DLG5: variants seen among roughly 807,000 people sequenced by gnomAD.
The protein encoded by DLG5 is discs large MAGUK scaffold protein 5.
DLG5 carries 48 observed loss-of-function variants against 189.8 expected under a neutral mutation model. The observed-to-expected ratio is 0.25, with a 90% confidence interval of 0.20 to 0.32. The LOEUF (loss-of-function observed/expected upper bound fraction) is 0.32. Ranked by LOEUF, DLG5 falls within the 10% of genes least tolerant of loss-of-function variation. The pLI is 1.00. For synonymous variants in DLG5, 1,016 were observed against 1,054.1 expected (o/e 0.96, Z 0.70); for missense variants, 2,160 against 2,544.7 (o/e 0.85, Z 3.25).
intron 13 of DLG5, among the ~76,000 whole-genome samples, chr10:77,827,473 A>C (rs1196963971): frequency 6.6e-6 from 1 of 152,092 alleles, no homozygotes; most frequent in Non-Finnish European, 1.5e-5. Context: ...TGATCCACCC[A>C]CCTCGGCCTC....
chr10:77,819,392 G>A lies in DLG5; in HGVS notation c.3600C>T (p.Arg1200=), dbSNP rs1239135263. 1 of 1,614,104 alleles carries A rather than the reference G, an allele frequency of 6.2e-7. No individual in the cohort carries two copies. The highest frequency in any genetic ancestry group is 8.5e-7 in the Non-Finnish European group (1 of 1,180,026). The part of the protein sequence containing the change: ...SILRNPIYTV[R]SHRVGPCSSP... ...AGCTGCAGGGGCCGACCCTGTGACT[G>A]CGCACAGTGTAGATGGGGTTCCGCA... The change falls in exon 17 of 32, where the codon CGC becomes CGT. Residue 1200 remains arginine (R), a synonymous_variant. Transcript: ENST00000372391.
chr10:77,909,877 G>T (rs1846169128), intron 1 of DLG5, among the ~76,000 whole-genome samples: 1 of 152,104 alleles, frequency 6.6e-6, no homozygotes, highest in African/African-American at 2.4e-5. Context: ...TGTCCACGGG[G>T]CCTTATCCTC....
intron 1 of DLG5, among the ~76,000 whole-genome samples, chr10:77,884,532 A>G (rs879455466): frequency 6.6e-6 from 1 of 151,944 alleles, no homozygotes; most frequent in Non-Finnish European, 1.5e-5. Flanking sequence ...CTCCAGAGAC[A>G]TGGTTCATGG....
intron 1 of DLG5, among the ~76,000 whole-genome samples, chr10:77,916,792 C>T (rs1846370153): frequency 6.6e-6 from 1 of 151,372 alleles, no homozygotes. Flanking sequence ...AGCAGGGACT[C>T]GAAGAGATAT....
intron 5 of DLG5, among the ~76,000 whole-genome samples, chr10:77,847,366 C>T (rs916612696): frequency 6.6e-6 from 1 of 152,178 alleles, no homozygotes; most frequent in Non-Finnish European, 1.5e-5. Flanking sequence ...AACTCCTAAC[C>T]TCTGGTTCTC....
intron 2 of DLG5, chr10:77,866,853 C>T (rs1844702709): frequency 1.7e-5 from 7 of 406,168 alleles, no homozygotes; most frequent in East Asian, 1.4e-4. Flanking sequence ...TTCCCTGCTG[C>T]CTGCACCCAA....
At chr10:77,793,920 G>T in intron 31 of DLG5, 88 bp downstream of exon 31, 5 of 1,226,726 alleles carry the variant, frequency 4.1e-6, no homozygotes, top group Non-Finnish European at 4.8e-6. Context: ...GAAAGTGCGG[G>T]CTTCTCCACG....
chr10:77,911,910 A>C (rs1296216665), intron 1 of DLG5, among the ~76,000 whole-genome samples: 1 of 152,000 alleles, frequency 6.6e-6, no homozygotes, highest in African/African-American at 2.4e-5. Context: ...AAAAAAAAAA[A>C]AAAACAGGCT....
At chr10:77,854,823 A>T (rs1364862238) in intron 3 of DLG5, among the ~76,000 whole-genome samples, 1 of 149,352 alleles carries the variant, frequency 6.7e-6, no homozygotes, top group Non-Finnish European at 1.5e-5. Flanking sequence ...CCGCCTCCAC[A>T]AAAAAAAATA....
chr10:77,825,701 G>A (rs1301616882), intron 13 of DLG5, among the ~76,000 whole-genome samples: 1 of 151,890 alleles, frequency 6.6e-6, no homozygotes, highest in African/African-American at 2.4e-5. Context: ...GATTACAGAT[G>A]TATGCCTCCA....
At chr10:77,921,446 A>T (rs528278698) in intron 1 of DLG5, among the ~76,000 whole-genome samples, 34 of 152,324 alleles carry the variant, frequency 2.2e-4, no homozygotes, top group Admixed American at 7.8e-4. Context: ...CCTTGGGGAA[A>T]AAAAACAAAC....
intron 31 of DLG5, chr10:77,793,601 G>A (rs74140331): frequency 0.011 from 1,705 of 160,894 alleles, 36 homozygotes; most frequent in African/African-American, 0.039. Flanking sequence ...GCTGCAAAAC[G>A]GGACTGCCCT....
chr10:77,792,134 G>A lies in DLG5; in HGVS notation c.*306C>T, dbSNP rs369428512. On this transcript the variant is annotated 3_prime_UTR_variant, in exon 32 of 32. Transcript: ENST00000372391. Reference sequence around the variant, plus strand: ...GAAAAGGCTTGTAAACGAGTGATCCGAAAGGTTCTCTTTGCAGCATCTCTG... The same window carrying A: ...GAAAAGGCTTGTAAACGAGTGATCCAAAAGGTTCTCTTTGCAGCATCTCTG... 1.4e-4 allele frequency: 55 copies of A among 403,690 alleles called. 1 individual carries two copies. The highest frequency in any genetic ancestry group is 1.4e-3 in the Middle Eastern group (2 of 1,468). 25.0% of individuals were successfully genotyped at this position (403,690 alleles called of 1,614,324 possible).
chr10:77,884,667 G>C (rs1046732340), intron 1 of DLG5, among the ~76,000 whole-genome samples: 30 of 152,256 alleles, frequency 2.0e-4, no homozygotes, highest in African/African-American at 7.2e-4. Flanking sequence ...AAAAATAAAA[G>C]GACAATTATC....
intron 26 of DLG5, 48 bp from the exon 27 acceptor site, chr10:77,805,909 C>CCCTGCCCTT (rs772792300): frequency 1.3e-6 from 2 of 1,540,538 alleles, no homozygotes; most frequent in Non-Finnish European, 1.8e-6. Flanking sequence ...GACCCTGCTG[C>CCCTGCCCTT]CCTGCCCTTC....
At chr10:77,931,988 C>T in the DLG5 span, among the ~76,000 whole-genome samples, 1 of 152,278 alleles carries the variant, frequency 6.6e-6, no homozygotes, top group South Asian at 2.1e-4. Context: ...TATAAACTCC[C>T]TAATGTTAGA....
At chr10:77,842,609 G>A (rs1006213702) in intron 6 of DLG5, among the ~76,000 whole-genome samples, 2 of 152,168 alleles carry the variant, frequency 1.3e-5, no homozygotes, top group African/African-American at 2.4e-5. Flanking sequence ...CATCAAGTTC[G>A]CTCGAAGAGC....
chr10:77,837,228 A>C (rs2154576149), intron 7 of DLG5, among the ~76,000 whole-genome samples: 1 of 151,892 alleles, frequency 6.6e-6, no homozygotes, highest in South Asian at 2.1e-4. Context: ...AAAAAAAAAA[A>C]AAAAAAAAAA....
chr10:77,900,385 T>C (rs754508823), intron 1 of DLG5, among the ~76,000 whole-genome samples: 28 of 152,190 alleles, frequency 1.8e-4, no homozygotes, highest in Non-Finnish European at 3.1e-4. Context: ...CTGCTTCTCC[T>C]GCCTGGAACG....
Sources: gnomAD v4.1 joint callset for allele counts (sites outside exome capture counted in the v4.1 genomes callset) on GRCh38, gnomAD v4.1.1 for gene constraint, MANE v1.5 for transcripts, NCBI Gene and HGNC (gene_info 2026-07-23, HGNC 2026-07-21) for gene names.